UNC13C: variants seen among roughly 807,000 people sequenced by gnomAD.
UNC13C encodes the protein protein unc-13 homolog C.
In UNC13C, 174 loss-of-function variants were observed where a neutral mutation model predicts 245.4. The observed-to-expected ratio is 0.71, with a 90% CI of 0.63 to 0.80. The LOEUF is 0.80. Among genes scored for constraint, UNC13C ranks in the 30% least tolerant of loss-of-function variants. The pLI is 0.00. For synonymous variants in UNC13C, 992 were observed against 895.1 expected, an observed-to-expected ratio of 1.11 and a Z score of -1.93; for missense variants, 2,829 against 2,602.9, an observed-to-expected ratio of 1.09 and a Z score of -1.89.
At chr15:54,603,936 CCTGA>C (rs1222813396) in intron 30 of UNC13C, among the ~76,000 whole-genome samples, 4 of 152,000 alleles carry the variant, frequency 2.6e-5, no homozygotes, top group Admixed American at 6.6e-5. Flanking sequence ...TTTCCTCCTA[CCTGA>C]CTGAGTGCAG....
chr15:54,121,656 C>A (rs1567030092), intron 2 of UNC13C, among the ~76,000 whole-genome samples: 2 of 151,704 alleles, frequency 1.3e-5, no homozygotes, highest in Non-Finnish European at 1.5e-5. Flanking sequence ...TCAGTGTTTG[C>A]TTGACTATTT....
chr15:54,278,903 A>T (rs1044980563), intron 10 of UNC13C, among the ~76,000 whole-genome samples: 2 of 152,160 alleles, frequency 1.3e-5, no homozygotes, highest in African/African-American at 4.8e-5. Flanking sequence ...AGTATTTGTT[A>T]TACTTTTTAA....
chr15:53,905,348 C>CT, the UNC13C span, among the ~76,000 whole-genome samples: 1 of 148,996 alleles, frequency 6.7e-6, no homozygotes, highest in Non-Finnish European at 1.5e-5. Context: ...AAGATTTCAT[C>CT]TTTATATATA....
the UNC13C span, among the ~76,000 whole-genome samples, chr15:53,901,572 C>T: frequency 6.6e-6 from 1 of 152,160 alleles, no homozygotes; most frequent in East Asian, 1.9e-4. Flanking sequence ...TTAGTCCCTC[C>T]TCTATCTATA....
intron 19 of UNC13C, among the ~76,000 whole-genome samples, chr15:54,441,193 C>G (rs1287694209): frequency 6.6e-6 from 1 of 151,686 alleles, no homozygotes; most frequent in Admixed American, 6.6e-5. Context: ...GTCTTTTTTT[C>G]TTTCTATTGC....
chr15:53,887,821 G>A, the UNC13C span, among the ~76,000 whole-genome samples: 1 of 151,846 alleles, frequency 6.6e-6, no homozygotes, highest in African/African-American at 2.4e-5. Flanking sequence ...TTCTATTCTT[G>A]TGATAGTTTG....
chr15:54,363,884 C>A lies in UNC13C; in HGVS notation c.4713+25395C>A, dbSNP rs1849212. ...GGATTTCCATTTTAAAGGTCCTGAG[C>A]AATTATAGATATTTGTTAAAAAGTA... On this transcript the variant is annotated intron_variant, in intron 17 of 32. Coordinates refer to ENST00000260323, the MANE Select transcript of UNC13C (RefSeq NM_001080534.3). 1.6e-4 allele frequency among the ~76,000 whole-genome samples: 24 copies of A among 152,038 alleles called. No homozygotes were observed. The South Asian group carries it at 5.0e-3, about 32-fold the overall frequency.
intron 2 of UNC13C, among the ~76,000 whole-genome samples, chr15:54,069,219 G>A (rs1031416944): frequency 3.3e-5 from 5 of 152,132 alleles, no homozygotes; most frequent in African/African-American, 1.2e-4. Flanking sequence ...AAGTGTTTAA[G>A]CAGCTCCAAG....
intron 19 of UNC13C, among the ~76,000 whole-genome samples, chr15:54,436,048 C>T (rs977685888): frequency 9.2e-5 from 14 of 151,948 alleles, no homozygotes; most frequent in African/African-American, 2.9e-4. Context: ...CATCTAACAC[C>T]AGTCAGAATG....
At chr15:54,047,073 T>C (rs1180374245) in intron 2 of UNC13C, among the ~76,000 whole-genome samples, 2 of 152,064 alleles carry the variant, frequency 1.3e-5, no homozygotes, top group African/African-American at 2.4e-5. Context: ...GTATTTATTT[T>C]TTAAAAAGTT....
At chr15:54,494,301 T>A (rs1186059350) in intron 19 of UNC13C, among the ~76,000 whole-genome samples, 1 of 152,142 alleles carries the variant, frequency 6.6e-6, no homozygotes, top group Non-Finnish European at 1.5e-5. Context: ...ATATGAAAAT[T>A]TGCAGATAAA....
At chr15:54,236,800 G>T (rs2140832855) in intron 6 of UNC13C, among the ~76,000 whole-genome samples, 1 of 152,302 alleles carries the variant, frequency 6.6e-6, no homozygotes, top group South Asian at 2.1e-4. Flanking sequence ...TAATGACTTT[G>T]TAATGCTGAG....
At chr15:54,214,870 A>G (rs2034991309) in intron 4 of UNC13C, among the ~76,000 whole-genome samples, 1 of 151,980 alleles carries the variant, frequency 6.6e-6, no homozygotes, top group Non-Finnish European at 1.5e-5. Flanking sequence ...GAACCACAGA[A>G]GTGTGACTTA....
At chr15:54,598,889 A>G (rs919866303) in intron 30 of UNC13C, among the ~76,000 whole-genome samples, 7 of 152,276 alleles carry the variant, frequency 4.6e-5, no homozygotes, top group Admixed American at 3.9e-4. Flanking sequence ...TTTTCCTTCA[A>G]TAACAGTAGG....
chr15:54,114,818 G>A (rs748027930), intron 2 of UNC13C, among the ~76,000 whole-genome samples: 27 of 152,112 alleles, frequency 1.8e-4, no homozygotes, highest in Non-Finnish European at 4.4e-5. Context: ...TTACATGAAT[G>A]TTTCCATGCA....
chr15:54,509,969 G>A (rs1894663412), intron 23 of UNC13C, among the ~76,000 whole-genome samples: 1 of 152,120 alleles, frequency 6.6e-6, no homozygotes, highest in South Asian at 2.1e-4. Context: ...TGTCAAGTGA[G>A]CCAAACTGTC....
chr15:53,887,055 G>C, the UNC13C span, among the ~76,000 whole-genome samples: 1 of 152,102 alleles, frequency 6.6e-6, no homozygotes, highest in Non-Finnish European at 1.5e-5. Context: ...AACAGAAAAA[G>C]GACACTTGGT....
At chr15:53,918,923 A>G in the UNC13C span, among the ~76,000 whole-genome samples, 2 of 152,210 alleles carry the variant, frequency 1.3e-5, no homozygotes, top group East Asian at 1.9e-4. Flanking sequence ...CACAGCATAT[A>G]TGCTTTCATG....
chr15:54,433,020 A>G (rs1023610345), intron 19 of UNC13C, among the ~76,000 whole-genome samples: 2 of 152,056 alleles, frequency 1.3e-5, no homozygotes, highest in Non-Finnish European at 2.9e-5. Flanking sequence ...TCATTAACAC[A>G]TATATCTTCC....
Sources: gnomAD v4.1 joint callset for allele counts (sites outside exome capture counted in the v4.1 genomes callset) on GRCh38, gnomAD v4.1.1 for gene constraint, MANE v1.5 for transcripts, NCBI Gene and HGNC (gene_info 2026-07-23, HGNC 2026-07-21) for gene names.